The following TNRC18 variants were observed in gnomAD, a reference collection of about 807,000 sequenced individuals.
TNRC18 encodes the protein trinucleotide repeat containing 18, also known as trinucleotide repeat-containing gene 18 protein.
Under a neutral mutation model 226.7 loss-of-function variants are expected in TNRC18, and 69 were observed. That is an observed-to-expected ratio of 0.30 (90% CI 0.25 to 0.37). TNRC18 has a LOEUF of 0.37. Among genes scored for constraint, TNRC18 ranks in the 10% least tolerant of loss-of-function variants. The probability of loss-of-function intolerance (pLI) is 1.00; values close to 1 mark genes in which losing one functional copy is unlikely to be tolerated. For missense variants in TNRC18, 4,754 were observed against 4,256.6 expected, an observed-to-expected ratio of 1.12 and a Z score of -3.25; for synonymous variants, 2,449 against 1,927.6, an observed-to-expected ratio of 1.27 and a Z score of -7.09.
Position 5,376,724 on chromosome 7 carries a change from T to C in TNRC18, c.2608+123A>G, listed in dbSNP as rs1779001351. Reference sequence around the variant, plus strand: ...AACAGATGTTCTCTCTGAACCCCGGTCCGCCTCCCCAGCCCCAGATCTGCC... The same window carrying C: ...AACAGATGTTCTCTCTGAACCCCGGCCCGCCTCCCCAGCCCCAGATCTGCC... On this transcript the variant is annotated intron_variant, in intron 8 of 29. Coordinates refer to ENST00000430969, the MANE Select transcript of TNRC18 (RefSeq NM_001080495.3). The C allele has an allele frequency of 3.3e-6, 4 of 1,204,178 alleles. No homozygotes were observed. In the African/African-American group the frequency reaches 4.6e-5, roughly 14 times the overall value. The allele number at this position is 1,204,178 out of a possible 1,614,324, so 74.6% of individuals were successfully genotyped here.
intron 14 of TNRC18, among the ~76,000 whole-genome samples, chr7:5,359,937 C>T (rs6969291): frequency 0.54 from 81,368 of 151,700 alleles, 22,401 homozygotes; most frequent in African/African-American, 0.65. Context: ...AGGGGGAGTT[C>T]AGAACACAAG....
intron 2 of TNRC18, chr7:5,420,807 C>G: frequency 1.5e-6 from 1 of 682,646 alleles, no homozygotes; most frequent in Admixed American, 2.0e-5. Context: ...CCCGGTGGCT[C>G]GGGCTACCAC....
intron 5 of TNRC18, among the ~76,000 whole-genome samples, chr7:5,386,607 G>C (rs1021454669): frequency 2.6e-5 from 4 of 151,462 alleles, no homozygotes; most frequent in Middle Eastern, 6.8e-3. Flanking sequence ...AAAATTAGTC[G>C]GGCGTGGTGG....
At chr7:5,415,369 CTTTTTTTTTTT>C (rs368389351) in intron 2 of TNRC18, among the ~76,000 whole-genome samples, 15 of 83,140 alleles carry the variant, frequency 1.8e-4, no homozygotes, top group East Asian at 1.6e-3. Flanking sequence ...CTGTGTCCCT[CTTTTTTTTTTT>C]TTTTTTTTTT....
In TNRC18 at chr7:5,377,337, AG is replaced by A; in HGVS notation, c.2461+33del. 1.4e-6 allele frequency: 1 copy of A among 723,860 alleles called. No individual in the cohort carries two copies. The highest frequency in any genetic ancestry group is 2.1e-6 in the Non-Finnish European group (1 of 483,974). 44.8% of individuals were successfully genotyped at this position (723,860 alleles called of 1,614,324 possible). On this transcript the variant is annotated intron_variant, in intron 7 of 29. Transcript: ENST00000430969. The surrounding 1 kb of genome is among the most constrained non-coding windows in gnomAD (Gnocchi z 5.8). ...ACCCGCCCCCTCCCACCCCTCCCTC[AG>A]AGAAGGGGAGAGACCCTGTGCCCCA...
intron 26 of TNRC18, 60 bp from the exon 27 acceptor site, chr7:5,313,923 GC>G (rs1235872216): frequency 1.6e-5 from 22 of 1,395,692 alleles, no homozygotes; most frequent in Non-Finnish European, 2.0e-5. Flanking sequence ...ATGAGCTGTG[GC>G]TTTTATCAGA....
At position 5,376,130 on chromosome 7, in the gene TNRC18, G is replaced by C. The variant is rs751569888; in HGVS notation, c.2703C>G (p.Leu901=). ...SPLHHAQQLQ[L]FSQQHFLRQQ... is the part of the protein sequence containing the mutation. ...GCCGCAGGAAGTGCTGCTGTGAGAA[G>C]AGCTGCAGCTGCTGGGCGTGGTGCA... The change falls in exon 9 of 30, where the codon CTC becomes CTG. Residue 901 remains leucine (L), a synonymous_variant. Transcript: ENST00000430969. 1.9e-6 allele frequency: 3 copies of C among 1,590,002 alleles called. No homozygotes were observed. Among genetic ancestry groups the C allele is most frequent in the Middle Eastern group, 1.7e-4 (1 of 5,970 alleles).
intron 25 of TNRC18, among the ~76,000 whole-genome samples, 161 bp from the exon 26 acceptor site, chr7:5,315,309 G>C (rs913363089): frequency 6.6e-6 from 1 of 152,224 alleles, no homozygotes; most frequent in Non-Finnish European, 1.5e-5. Context: ...AGGTCCAGCA[G>C]GGGAAACCCC....
chr7:5,417,540 G>A (rs138309573), intron 2 of TNRC18, among the ~76,000 whole-genome samples: 120 of 152,272 alleles, frequency 7.9e-4, no homozygotes, highest in African/African-American at 2.7e-3. Flanking sequence ...CTGAATCCCC[G>A]GAAGAACATG....
chr7:5,378,919 T>G (rs898867162), intron 5 of TNRC18, among the ~76,000 whole-genome samples: 3 of 131,086 alleles, frequency 2.3e-5, no homozygotes, highest in Admixed American at 8.4e-5. Context: ...GCGAGGTGGC[T>G]CACACCTGTA....
At chr7:5,354,637 G>A (rs1333990499) in intron 16 of TNRC18, among the ~76,000 whole-genome samples, 1 of 152,022 alleles carries the variant, frequency 6.6e-6, no homozygotes, top group Non-Finnish European at 1.5e-5. Context: ...CTGAAACCAC[G>A]ACACTCTCAT....
chr7:5,403,411 C>G (rs969491245), intron 2 of TNRC18, among the ~76,000 whole-genome samples: 1 of 152,150 alleles, frequency 6.6e-6, no homozygotes, highest in South Asian at 2.1e-4. Context: ...CCGCCCGCCT[C>G]GGTCTCCCAA....
In TNRC18 at chr7:5,389,170, C is replaced by T. The variant is rs775303983; in HGVS notation, c.654G>A (p.Pro218=). Residue 218 remains proline, a synonymous_variant, in exon 5 of 30, where the codon CCG becomes CCA. Coordinates refer to ENST00000430969, the MANE Select transcript of TNRC18 (RefSeq NM_001080495.3). ...ERAGRGGEPP[P]LFGKKDPRAR... is the part of the protein sequence containing the mutation. ...CGCGCGGGTCCTTCTTGCCGAAAAG[C>T]GGAGGCGGCTCCCCGCCGCGGCCCG... is the stretch of plus-strand genomic sequence containing the variant. 73 of 1,321,384 alleles carry T rather than the reference C, an allele frequency of 5.5e-5. No homozygotes were observed. The African/African-American group carries it at 8.8e-4, about 16-fold the overall frequency. The allele number at this position is 1,321,384 out of a possible 1,614,324, so 81.9% of individuals were successfully genotyped here. A position where few individuals can be genotyped will look rare whatever the true frequency, so the allele number is the denominator to read the frequency against.
chr7:5,358,900 C>T (rs962195037), intron 15 of TNRC18, among the ~76,000 whole-genome samples: 2 of 152,130 alleles, frequency 1.3e-5, no homozygotes. Flanking sequence ...TACAAAAAGG[C>T]ACCTTAAGTG....
chr7:5,370,719 T>C lies in TNRC18; in HGVS notation c.3875A>G (p.Glu1292Gly). The C allele has an allele frequency of 1.2e-6, 2 of 1,609,016 alleles. No individual in the cohort carries two copies. Among genetic ancestry groups the C allele is most frequent in the Non-Finnish European group, 1.7e-6 (2 of 1,178,302 alleles). The change falls in exon 11 of 30, where the codon GAA becomes GGA. Residue 1292 changes from glutamate (E) to glycine (G), a missense_variant. Transcript: ENST00000430969. ...VAPSESQPTL[E>G]MSDCDVPAGE... ...GGCGGGCACGTCACAGTCTGACATT[T>C]CTAGGGTGGGCTGGGACTCGCTCGG...
In TNRC18 at chr7:5,307,843, G is replaced by A; in HGVS notation, c.*263C>T. On this transcript the variant is annotated 3_prime_UTR_variant, in exon 30 of 30. Transcript: ENST00000430969. ...GTGCTGGGCAGGAAGGGCCGGTCCG[G>A]CCATACCCTGATAGCTAAGAGGGGC... 1 of 536,286 alleles carries A rather than the reference G, an allele frequency of 1.9e-6. No individual in the cohort carries two copies. The highest frequency in any genetic ancestry group is 2.1e-5 in the South Asian group (1 of 48,740). 33.2% of individuals were successfully genotyped at this position (536,286 alleles called of 1,614,324 possible).
chr7:5,395,874 G>A (rs1270223603), intron 2 of TNRC18, among the ~76,000 whole-genome samples: 5 of 152,166 alleles, frequency 3.3e-5, no homozygotes, highest in South Asian at 2.1e-4. Flanking sequence ...GCGGGCACCT[G>A]TAGTCCCAGC....
At chr7:5,333,686 A>T (rs1789797136) in intron 18 of TNRC18, among the ~76,000 whole-genome samples, 1 of 151,898 alleles carries the variant, frequency 6.6e-6, no homozygotes, top group African/African-American at 2.4e-5. Flanking sequence ...CTCGCCCAGC[A>T]CCCACCATCC....
In TNRC18 at chr7:5,371,231, G is replaced by C. The variant is rs779362061; in HGVS notation, c.3363C>G (p.Pro1121=). The C allele has an allele frequency of 1.2e-6, 2 of 1,605,008 alleles. No homozygotes were observed. Among genetic ancestry groups the C allele is most frequent in the Non-Finnish European group, 1.7e-6 (2 of 1,174,882 alleles). ...CTTCGGGTGAGAGTGCCAGGCGCTCGGGCCCATCAGCCGGGAGCGGCACAT... is the reference window on the plus strand; with the variant it reads ...CTTCGGGTGAGAGTGCCAGGCGCTCCGGCCCATCAGCCGGGAGCGGCACAT... ...APDVPLPADG[P]ERLALSPEDK... The change falls in exon 11 of 30, where the codon CCC becomes CCG. Residue 1121 remains proline (P), a synonymous_variant. Coordinates refer to ENST00000430969, the MANE Select transcript of TNRC18 (RefSeq NM_001080495.3).
Sources: gnomAD v4.1 joint callset for allele counts (sites outside exome capture counted in the v4.1 genomes callset) on GRCh38, gnomAD v4.1.1 for gene constraint, Gnocchi (gnomAD v3.1) non-coding constraint, MANE v1.5 for transcripts, NCBI Gene and HGNC (gene_info 2026-07-23, HGNC 2026-07-21) for gene names.